RGL3: variants seen among roughly 807,000 people sequenced by gnomAD.
RGL3 encodes ral guanine nucleotide dissociation stimulator like 3.
Under a neutral mutation model 90.6 loss-of-function variants are expected in RGL3, and 85 were observed. The observed-to-expected ratio is 0.94, with a 90% confidence interval of 0.79 to 1.12. The LOEUF is 1.12. RGL3 is among the 50% of genes most tolerant of loss of function. The pLI is 0.00. For missense variants in RGL3, 1,034 were observed against 939.2 expected (o/e 1.10, Z -1.32); for synonymous variants, 408 against 385.5 (o/e 1.06, Z -0.68).
intron 16 of RGL3, 103 bp from the exon 17 acceptor site, chr19:11,397,700 C>A: frequency 1.7e-6 from 2 of 1,165,646 alleles, no homozygotes; most frequent in South Asian, 3.5e-5. Context: ...TTCAATAGCC[C>A]CACATTTAAA....
chr19:11,416,937 G>A lies in RGL3; in HGVS notation c.270C>T (p.Pro90=). The A allele has an allele frequency of 1.2e-6, 2 of 1,614,074 alleles. No individual in the cohort carries two copies. The highest frequency in any genetic ancestry group is 2.2e-5 in the South Asian group (2 of 91,072). The change falls in exon 3 of 19, where the codon CCC becomes CCT. Residue 90 remains proline (P), a synonymous_variant. Coordinates refer to ENST00000380456, the MANE Select transcript of RGL3 (RefSeq NM_001035223.4). ...ELVFGDREQD[P]SFMPAFLATY... Reference sequence around the variant, plus strand: ...TGGCCAGGAAGGCGGGCATGAAGCTGGGGTCCTGCTCACGGTCTCCAAACA... The same window carrying A: ...TGGCCAGGAAGGCGGGCATGAAGCTAGGGTCCTGCTCACGGTCTCCAAACA...
At chr19:11,394,790 TA>T (rs1192348284) in intron 18 of RGL3, 2 of 373,644 alleles carry the variant, frequency 5.4e-6, no homozygotes, top group East Asian at 1.1e-4. Flanking sequence ...CAACCTGCAG[TA>T]AAAGTTTGAG....
chr19:11,405,343 G>C lies in RGL3; in HGVS notation c.1080C>G (p.Arg360=). ...CTCACCGGCTCACTGCCCCCCAGCT[G>C]CGCTTGAGCCGGTAGATGGGGTTAG... ...LQSNPIYRLK[R]SWGAVSREPL... Residue 360 remains arginine (R), a synonymous_variant, in exon 8 of 19, where the codon CGC becomes CGG. Coordinates refer to ENST00000380456, the MANE Select transcript of RGL3 (RefSeq NM_001035223.4). The C allele has an allele frequency of 6.2e-7, 1 of 1,613,322 alleles. No homozygotes were observed. Among genetic ancestry groups the C allele is most frequent in the East Asian group, 2.2e-5 (1 of 44,870 alleles).
chr19:11,414,419 T>TCATATATATACA (rs1426085890), intron 5 of RGL3, among the ~76,000 whole-genome samples: 3 of 92,644 alleles, frequency 3.2e-5, no homozygotes, highest in African/African-American at 6.0e-5. Context: ...ATATATACCT[T>TCATATATATACA]TATATATATA....
At chr19:11,395,092 CAA>C (rs1285875207) in intron 18 of RGL3, among the ~76,000 whole-genome samples, 1 of 121,724 alleles carries the variant, frequency 8.2e-6, no homozygotes, top group Non-Finnish European at 1.8e-5. Flanking sequence ...GACTCCATCT[CAA>C]AAAAAAAAAA....
chr19:11,394,119 T>G lies in RGL3; in HGVS notation c.*283A>C. On this transcript the variant is annotated 3_prime_UTR_variant, in exon 19 of 19. Transcript: ENST00000380456. ...TGTCACTTCTGATGCGTCTCTAACA[T>G]TTATAAGATTTCTCTGGGGAGGGAT... 2.9e-6 allele frequency: 1 copy of G among 347,264 alleles called. No homozygotes were observed. The allele number at this position is 347,264 out of a possible 1,614,324, so 21.5% of individuals were successfully genotyped here.
Position 11,397,298 on chromosome 19 carries a change from G to A in RGL3, c.1960C>T (p.Pro654Ser), listed in dbSNP as rs1361272789. ...TGATAGTCACAGGCCCAGGGCTGGGGCACATTGTGCTTCTGCAAGGCTCGC... is the reference window on the plus strand; with the variant it reads ...TGATAGTCACAGGCCCAGGGCTGGGACACATTGTGCTTCTGCAAGGCTCGC... ...VRRALQKHNVPQPWACDYQLF... is the reference protein window; with the variant it reads ...VRRALQKHNVSQPWACDYQLF... The change falls in exon 18 of 19, where the codon CCC (proline) becomes TCC (serine). Residue 654 changes from proline to serine, a missense_variant. By Grantham distance (74) the Pro-to-Ser change is moderately conservative. Transcript: ENST00000380456. The A allele has an allele frequency of 1.4e-5, 22 of 1,612,894 alleles. No individual in the cohort carries two copies. The highest frequency in any genetic ancestry group is 1.6e-4 in the Middle Eastern group (1 of 6,076).
intron 5 of RGL3, among the ~76,000 whole-genome samples, chr19:11,410,123 TA>T (rs1031429028): frequency 2.7e-4 from 40 of 149,564 alleles, no homozygotes; most frequent in Middle Eastern, 3.5e-3. Flanking sequence ...AATATATATA[TA>T]TTTTTTTATT....
Position 11,416,127 on chromosome 19 carries a change from G to T in RGL3, c.447C>A (p.Gly149=), listed in dbSNP as rs753069190. ...CCTGAGGGTGGTCCTGCAGCCAGGAGCCCAGCACTGACACCACAGCCCTGG... is the reference window on the plus strand; with the variant it reads ...CCTGAGGGTGGTCCTGCAGCCAGGATCCCAGCACTGACACCACAGCCCTGG... The part of the protein sequence containing the change: ...KNLRAVVSVL[G]SWLQDHPQDF... Residue 149 remains glycine, a synonymous_variant, in exon 5 of 19, where the codon GGC becomes GGA. Coordinates refer to ENST00000380456, the MANE Select transcript of RGL3 (RefSeq NM_001035223.4). The T allele has an allele frequency of 6.3e-7, 1 of 1,582,298 alleles. No homozygotes were observed. The highest frequency in any genetic ancestry group is 1.8e-5 in the Admixed American group (1 of 54,576).
chr19:11,416,216 CTTTTTTTTTTT>C, intron 4 of RGL3, 68 bp from the exon 5 acceptor site: 5 of 628,364 alleles, frequency 8.0e-6, no homozygotes, highest in South Asian at 6.0e-5. Context: ...CTCCTGGTAC[CTTTTTTTTTTT>C]TTTTTTTTTG....
At chr19:11,417,470 C>CTT (rs66697430) in intron 2 of RGL3, among the ~76,000 whole-genome samples, 18,149 of 114,406 alleles carry the variant, frequency 0.16, 1,805 homozygotes, top group East Asian at 0.3. Flanking sequence ...CCTAGCACCA[C>CTT]TTTTTTTTTT....
chr19:11,417,375 C>A (rs112889689), intron 2 of RGL3, among the ~76,000 whole-genome samples: 1,663 of 151,348 alleles, frequency 0.011, 12 homozygotes, highest in Non-Finnish European at 0.018. Flanking sequence ...GTCTCGAACT[C>A]CTGACCTCAA....
chr19:11,414,176 T>C (rs570225375), intron 5 of RGL3, among the ~76,000 whole-genome samples: 1,720 of 74,966 alleles, frequency 0.023, 45 homozygotes, highest in East Asian at 0.079. Flanking sequence ...TATATATATA[T>C]ACACCTATAT....
chr19:11,398,733 C>A (rs1968619906), intron 16 of RGL3, among the ~76,000 whole-genome samples: 1 of 151,876 alleles, frequency 6.6e-6, no homozygotes, highest in Non-Finnish European at 1.5e-5. Flanking sequence ...TGCAGTGGCA[C>A]CATCTCAGCT....
intron 5 of RGL3, among the ~76,000 whole-genome samples, chr19:11,412,835 G>A (rs539148919): frequency 2.6e-4 from 39 of 152,100 alleles, no homozygotes; most frequent in Middle Eastern, 3.4e-3. Context: ...GCCTGGTGGC[G>A]GGCGCCTGTA....
chr19:11,394,249 T>G lies in RGL3; in HGVS notation c.*153A>C. On this transcript the variant is annotated 3_prime_UTR_variant, in exon 19 of 19. Transcript: ENST00000380456. ...GAATATGGATCTAGTACCAACAGAG[T>G]CAGAAAAAGAGATGGGGTCCAATGG... The G allele has an allele frequency of 1.5e-6, 1 of 673,952 alleles. No homozygotes were observed. Among genetic ancestry groups the G allele is most frequent in the South Asian group, 1.7e-5 (1 of 58,842 alleles). The allele number at this position is 673,952 out of a possible 1,614,324, so 41.7% of individuals were successfully genotyped here. A position where few individuals can be genotyped will look rare whatever the true frequency, so the allele number is the denominator to read the frequency against.
intron 18 of RGL3, among the ~76,000 whole-genome samples, chr19:11,395,367 G>A (rs1000538774): frequency 8.5e-5 from 13 of 152,254 alleles, no homozygotes; most frequent in South Asian, 8.3e-4. Context: ...GTACTTCAGC[G>A]TGAATACGCT....
Position 11,419,129 on chromosome 19 carries a change from G to T in RGL3, c.33+117C>A, listed in dbSNP as rs555085464. ...GTCAAGGGCCGCGAGTCCCCAGGAG[G>T]GGACTCCAGGGCAAGTTCAGATTGG... On this transcript the variant is annotated intron_variant, in intron 1 of 18. Transcript: ENST00000380456. 7 of 1,118,290 alleles carry T rather than the reference G, an allele frequency of 6.3e-6. 1 individual carries two copies. The highest frequency in any genetic ancestry group is 6.4e-6 in the Non-Finnish European group (5 of 784,608). 69.3% of individuals were successfully genotyped at this position (1,118,290 alleles called of 1,614,324 possible).
In RGL3 at chr19:11,418,720, C is replaced by G. The variant is rs1044255113; in HGVS notation, c.98G>C (p.Arg33Pro). 2.5e-6 allele frequency: 4 copies of G among 1,576,630 alleles called. No homozygotes were observed. The highest frequency in any genetic ancestry group is 2.6e-6 in the Non-Finnish European group (3 of 1,166,136). Residue 33 changes from arginine (R) to proline (P), a missense_variant, in exon 2 of 19, where the codon CGG becomes CCG. Physicochemically the swap from Arg to Pro is moderately radical, Grantham distance 103 (BLOSUM62 -2). Transcript: ENST00000380456. The stretch of plus-strand genomic sequence containing the variant: ...CGGGCTCCTGCGCTGACTGCGCTGC[C>G]GCCGCAGGGAGACACTGTACACCGC... ...DGAVYSVSLR[R>P]QRSQRRSPAE... is the part of the protein sequence containing the mutation.
Sources: allele counts gnomAD v4.1 joint callset (sites outside exome capture counted in the v4.1 genomes callset), GRCh38; gene constraint gnomAD v4.1.1; transcripts MANE v1.5; gene names NCBI Gene and HGNC (gene_info 2026-07-23, HGNC 2026-07-21).